CSMD2: variants seen among roughly 807,000 people sequenced by gnomAD.
CSMD2 encodes the protein CUB and sushi domain-containing protein 2.
Under a neutral mutation model 398.5 loss-of-function variants are expected in CSMD2, and 130 were observed. That is an observed-to-expected ratio of 0.33 (90% CI 0.28 to 0.38). The LOEUF (loss-of-function observed/expected upper bound fraction) is 0.38, where lower values mean the gene tolerates loss of function less well. CSMD2 is among the 10% of genes least tolerant of loss of function. CSMD2 has a pLI of 1.00. For missense variants in CSMD2, 3,829 were observed against 4,764.9 expected (o/e 0.80, Z 5.78); for synonymous variants, 1,828 against 1,908.5 (o/e 0.96, Z 1.10).
intron 3 of CSMD2, among the ~76,000 whole-genome samples, chr1:33,976,330 G>T (rs933294054): frequency 2.3e-4 from 35 of 152,308 alleles, no homozygotes; most frequent in African/African-American, 8.2e-4. Context: ...AAAAGGGGGT[G>T]GTTGGGGATA....
At chr1:33,607,553 G>A (rs10158102) in intron 41 of CSMD2, among the ~76,000 whole-genome samples, 36,467 of 152,156 alleles carry the variant, frequency 0.24, 5,567 homozygotes, top group African/African-American at 0.44. Context: ...GTCAGGGAGA[G>A]TTATTTGGGC....
chr1:33,653,053 G>A (rs145523653), intron 27 of CSMD2, among the ~76,000 whole-genome samples: 4 of 152,210 alleles, frequency 2.6e-5, no homozygotes, highest in East Asian at 1.9e-4. Flanking sequence ...CACCGCGCCC[G>A]GCCTAATAAA....
intron 5 of CSMD2, among the ~76,000 whole-genome samples, chr1:33,910,418 AATTTTTCCG>A (rs1643385606): frequency 6.6e-6 from 1 of 152,288 alleles, no homozygotes; most frequent in African/African-American, 2.4e-5. Flanking sequence ...CTGTGGGACT[AATTTTTCCG>A]AGCCCTTCCA....
intron 3 of CSMD2, among the ~76,000 whole-genome samples, chr1:34,022,838 G>C (rs1301146880): frequency 6.6e-6 from 1 of 152,036 alleles, no homozygotes; most frequent in Admixed American, 6.6e-5. Context: ...TGTTGGTTTG[G>C]TTTGTTTGTT....
intron 10 of CSMD2, among the ~76,000 whole-genome samples, chr1:33,803,193 T>C (rs1655817203): frequency 6.6e-6 from 1 of 152,216 alleles, no homozygotes; most frequent in African/African-American, 2.4e-5. Flanking sequence ...CTCTGTTCTT[T>C]CACTGGATTT....
At chr1:33,831,099 C>G (rs2125034842) in intron 6 of CSMD2, among the ~76,000 whole-genome samples, 1 of 152,186 alleles carries the variant, frequency 6.6e-6, no homozygotes, top group South Asian at 2.1e-4. Context: ...AGGATACTAT[C>G]CAGGAGAACT....
At chr1:33,541,458 T>C in intron 58 of CSMD2, 149 bp from the exon 59 acceptor site, 3 of 652,400 alleles carry the variant, frequency 4.6e-6, no homozygotes, top group Non-Finnish European at 7.9e-6. Flanking sequence ...CAGTTGGACA[T>C]TACCCATTCT....
chr1:33,741,109 T>C (rs982762872), intron 14 of CSMD2, among the ~76,000 whole-genome samples: 1 of 152,142 alleles, frequency 6.6e-6, no homozygotes, highest in Non-Finnish European at 1.5e-5. Context: ...TTATGTTCCA[T>C]GTGGAAGAGG....
intron 1 of CSMD2, among the ~76,000 whole-genome samples, chr1:34,102,334 T>C (rs1209536685): frequency 6.6e-6 from 1 of 152,216 alleles, no homozygotes; most frequent in Non-Finnish European, 1.5e-5. Flanking sequence ...CTGGCCAAAA[T>C]GTTCACTTTC....
intron 1 of CSMD2, among the ~76,000 whole-genome samples, chr1:34,093,115 G>A (rs1658839813): frequency 6.6e-6 from 1 of 152,172 alleles, no homozygotes; most frequent in Admixed American, 6.5e-5. Context: ...CCCCCGAGCA[G>A]CCTAACTGGG....
At chr1:33,613,398 A>G (rs1641175674) in intron 40 of CSMD2, among the ~76,000 whole-genome samples, 1 of 152,138 alleles carries the variant, frequency 6.6e-6, no homozygotes, top group African/African-American at 2.4e-5. Context: ...TAATGTCTCA[A>G]AGTCTGGAGT....
chr1:33,608,832 C>T (rs767980436), intron 41 of CSMD2, among the ~76,000 whole-genome samples: 1 of 152,132 alleles, frequency 6.6e-6, no homozygotes, highest in Non-Finnish European at 1.5e-5. Context: ...AGCCCCAGAG[C>T]CATTGGACAG....
intron 25 of CSMD2, among the ~76,000 whole-genome samples, chr1:33,686,173 A>T (rs1355596303): frequency 6.6e-6 from 1 of 152,220 alleles, no homozygotes; most frequent in Admixed American, 6.5e-5. Context: ...GAGGGGCAGA[A>T]CCAAGAGCAA....
rs753252593 is a variant in CSMD2, at chr1:33,546,227, C to T, written c.8918-8G>A. On this transcript the variant is annotated splice_polypyrimidine_tract_variant and splice_region_variant and intron_variant, in intron 56 of 70. Coordinates refer to ENST00000373381, the MANE Select transcript of CSMD2 (RefSeq NM_001281956.2). ...AAACTCCCACGCTGGTTCCTATGGA[C>T]CAGAACCACACAAATCCCATTATTT... 95 of 1,607,930 alleles carry T rather than the reference C, an allele frequency of 5.9e-5. No individual in the cohort carries two copies. Among genetic ancestry groups the T allele is most frequent in the Admixed American group, 3.7e-4 (22 of 59,564 alleles).
intron 5 of CSMD2, among the ~76,000 whole-genome samples, chr1:33,856,444 G>T (rs1444382173): frequency 1.3e-5 from 2 of 152,160 alleles, no homozygotes; most frequent in African/African-American, 4.8e-5. Context: ...ACCTGTCACT[G>T]GCAGACATGA....
intron 3 of CSMD2, among the ~76,000 whole-genome samples, chr1:34,021,288 A>G (rs1009745116): frequency 2.0e-5 from 3 of 152,078 alleles, no homozygotes. Flanking sequence ...CATCCCCTAA[A>G]CCTCTAGGGC....
In CSMD2 at chr1:33,915,644, C is replaced by T. The variant is rs187307158; in HGVS notation, c.920+2450G>A. 3.0e-3 allele frequency among the ~76,000 whole-genome samples: 459 copies of T among 152,250 alleles called. 3 individuals carry two copies. The highest frequency in any genetic ancestry group is 0.011 in the African/African-American group (439 of 41,534). ...GCAGAAGCTGTAGGAGACCATTTGG[C>T]CCATGGATAAACAAGTGAGTCGAAA... On this transcript the variant is annotated intron_variant, in intron 5 of 70. Coordinates refer to ENST00000373381, the MANE Select transcript of CSMD2 (RefSeq NM_001281956.2).
At chr1:33,867,065 A>C (rs1333250563) in intron 5 of CSMD2, among the ~76,000 whole-genome samples, 1 of 152,158 alleles carries the variant, frequency 6.6e-6, no homozygotes, top group East Asian at 1.9e-4. Context: ...TGGACAGGTG[A>C]CTTTCTTCTA....
intron 9 of CSMD2, among the ~76,000 whole-genome samples, chr1:33,811,548 T>C (rs1219060864): frequency 6.6e-6 from 1 of 152,146 alleles, no homozygotes; most frequent in Non-Finnish European, 1.5e-5. Context: ...CAAATCCGTC[T>C]CCACACTCAG....
Sources: allele counts gnomAD v4.1 joint callset (sites outside exome capture counted in the v4.1 genomes callset), GRCh38; gene constraint gnomAD v4.1.1; transcripts MANE v1.5; gene names NCBI Gene and HGNC (gene_info 2026-07-23, HGNC 2026-07-21).